The following KLHDC4 variants were observed in gnomAD, a reference collection of about 807,000 sequenced individuals.
KLHDC4 encodes the protein kelch domain-containing protein 4.
A neutral mutation model predicts 62.4 loss-of-function variants in KLHDC4; 90 were observed. The ratio of observed to expected loss-of-function variants is 1.44; its 90% CI spans 1.22 to 1.72. The LOEUF is 1.72. KLHDC4 is among the 40% of genes most tolerant of loss of function. The pLI is 0.00. For missense variants in KLHDC4, 1,025 were observed against 699.7 expected (o/e 1.47, Z -5.25); for synonymous variants, 386 against 284.4 (o/e 1.36, Z -3.59).
intron 1 of KLHDC4, among the ~76,000 whole-genome samples, chr16:87,763,015 G>C (rs763186678): frequency 6.6e-6 from 1 of 152,070 alleles, no homozygotes; most frequent in South Asian, 2.1e-4. Context: ...GCCCCACCTC[G>C]TGCTTCCTTC....
At chr16:87,703,174 G>C (rs540207840), downstream of KLHDC4, 2 of 152,346 alleles carry the variant, frequency 1.3e-5, no homozygotes, top group Admixed American at 6.5e-5. Flanking sequence ...CCTGGTTTTC[G>C]AGCAGGAAAC....
intron 3 of KLHDC4, chr16:87,756,163 G>C: frequency 2.6e-6 from 1 of 387,272 alleles, no homozygotes; most frequent in South Asian, 3.9e-5. Context: ...GATGACGGCA[G>C]AGCTGGGCCT....
intron 4 of KLHDC4, among the ~76,000 whole-genome samples, chr16:87,753,383 A>G (rs1345747942): frequency 6.6e-6 from 1 of 152,184 alleles, no homozygotes; most frequent in African/African-American, 2.4e-5. Context: ...TTCACTAGAG[A>G]CTGCAGAAAG....
chr16:87,698,223 G>T (rs2033982610), exon 1 of KLHDC4: 1 of 152,388 alleles, frequency 6.6e-6, no homozygotes, highest in Non-Finnish European at 1.5e-5. Context: ...TCTGGTGGGG[G>T]CATAGGAGAG....
At chr16:87,735,991 T>A (rs191520822) in intron 5 of KLHDC4, among the ~76,000 whole-genome samples, 7 of 152,352 alleles carry the variant, frequency 4.6e-5, no homozygotes, top group African/African-American at 9.6e-5. Context: ...GCACTCTGCA[T>A]GCAAACGCTT....
At position 87,718,878 on chromosome 16, in the gene KLHDC4, C is replaced by G. The variant is rs533087851; in HGVS notation, c.760-4305G>C. 1.1e-4 allele frequency among the ~76,000 whole-genome samples: 17 copies of G among 151,484 alleles called. No individual in the cohort carries two copies. The East Asian group carries it at 3.3e-3, about 30-fold the overall frequency. On this transcript the variant is annotated intron_variant, in intron 7 of 11. Transcript: ENST00000270583. ...GAGGAGTGCCTCTGTCCGGCCGCGA[C>G]CCCGTCTGGGAACTGAGGAGTGTCT...
exon 1 of KLHDC4, chr16:87,702,080 C>G (rs955914888): frequency 2.2e-6 from 1 of 456,322 alleles, no homozygotes; most frequent in Admixed American, 2.3e-5. Context: ...AACTTGTGAC[C>G]CCCGAGATCA....
intron 5 of KLHDC4, among the ~76,000 whole-genome samples, chr16:87,746,842 A>G (rs1453038623): frequency 1.3e-5 from 2 of 152,180 alleles, no homozygotes; most frequent in Non-Finnish European, 1.5e-5. Context: ...ATACCTTTAA[A>G]ACAGGTCTCC....
intron 5 of KLHDC4, among the ~76,000 whole-genome samples, chr16:87,734,708 T>C (rs1404295742): frequency 1.3e-5 from 2 of 152,166 alleles, no homozygotes; most frequent in South Asian, 2.1e-4. Context: ...CCTCTTCACA[T>C]AGGGATACCC....
At chr16:87,734,218 C>G (rs1019283162) in intron 5 of KLHDC4, among the ~76,000 whole-genome samples, 3 of 151,126 alleles carry the variant, frequency 2.0e-5, no homozygotes, top group Non-Finnish European at 4.4e-5. Context: ...CGTGGAGGCA[C>G]CTGTAATGCC....
intron 5 of KLHDC4, among the ~76,000 whole-genome samples, chr16:87,732,528 T>C (rs1430908792): frequency 6.6e-6 from 1 of 152,090 alleles, no homozygotes; most frequent in African/African-American, 2.4e-5. Context: ...AAAAAGCAAA[T>C]TTAAAACCTT....
chr16:87,762,119 A>T, intron 1 of KLHDC4, 79 bp from the exon 2 acceptor site: 3 of 1,582,214 alleles, frequency 1.9e-6, no homozygotes, highest in Admixed American at 3.7e-5. Context: ...GCTTTCCTCC[A>T]ATCAGTGTGA....
intron 6 of KLHDC4, among the ~76,000 whole-genome samples, chr16:87,728,392 G>T (rs575980051): frequency 1.3e-5 from 2 of 152,118 alleles, no homozygotes; most frequent in Admixed American, 6.6e-5. Context: ...TACTTTGCAC[G>T]TAAGATAAAT....
intron 4 of KLHDC4, among the ~76,000 whole-genome samples, chr16:87,752,746 G>C (rs148017693): frequency 6.6e-6 from 1 of 152,218 alleles, no homozygotes; most frequent in African/African-American, 2.4e-5. Flanking sequence ...TAAGAGCTTC[G>C]TATAGCCTAC....
rs758237463 is a variant in KLHDC4 at position 87,765,873 on chromosome 16, C to A, written c.18G>T (p.Lys6Asn). 7.7e-6 allele frequency: 12 copies of A among 1,550,938 alleles called. No individual in the cohort carries two copies. Among genetic ancestry groups the A allele is most frequent in the Non-Finnish European group, 9.6e-6 (11 of 1,146,444 alleles). Residue 6 changes from lysine (K) to asparagine (N), a missense_variant, in exon 1 of 12, where the codon AAG becomes AAT. By Grantham distance (94) the Lys-to-Asn change is moderately conservative (BLOSUM62 0). Coordinates refer to ENST00000270583, the MANE Select transcript of KLHDC4 (RefSeq NM_017566.4). ...CCGCGCCGCGGCCCTTCTTCTCCTT[C>A]TTGCCCTTCTTGCCCATCTTGCCGG... MGKKG[K>N]KEKKGRGAEK...
At position 87,709,372 on chromosome 16, in the gene KLHDC4, T is replaced by A. The variant is rs746162046; in HGVS notation, c.1340A>T (p.Tyr447Phe). 5 of 1,613,424 alleles carry A rather than the reference T, an allele frequency of 3.1e-6. No individual in the cohort carries two copies. The highest frequency in any genetic ancestry group is 4.2e-6 in the Non-Finnish European group (5 of 1,179,898). ...LAVKHGVLYVYGGMFEAGDRQ... is the reference protein window; with the variant it reads ...LAVKHGVLYVFGGMFEAGDRQ... ...GTCGCCGGCCTCAAACATGCCCCCA[T>A]AGACGTAGAGCACCCCATGCTTCAC... Residue 447 changes from tyrosine to phenylalanine, a missense_variant, in exon 10 of 12, where the codon TAT (tyrosine) becomes TTT (phenylalanine). Coordinates refer to ENST00000270583, the MANE Select transcript of KLHDC4 (RefSeq NM_017566.4).
intron 1 of KLHDC4, chr16:87,765,108 C>T (rs1419842632): frequency 2.2e-6 from 1 of 455,862 alleles, no homozygotes. Flanking sequence ...GCCTGGCGCA[C>T]GGCAGGCCAT....
rs1448888271 is a variant in KLHDC4 at position 87,709,439 on chromosome 16, G to A, written c.1273C>T (p.Pro425Ser). The change falls in exon 10 of 12, where the codon CCC becomes TCC. Residue 425 changes from proline to serine, a missense_variant. Coordinates refer to ENST00000270583, the MANE Select transcript of KLHDC4 (RefSeq NM_017566.4). ...GAGCGTGGACACGGCCCAGGTGCGG[G>A]GCTGCCGGCCTCCTCAAGGCTGTCT... ...DEDSLEEAGS[P>S]APGPCPRSNA... 2.5e-6 allele frequency: 4 copies of A among 1,612,542 alleles called. No homozygotes were observed. The highest frequency in any genetic ancestry group is 2.5e-6 in the Non-Finnish European group (3 of 1,179,920).
At chr16:87,760,718 G>A (rs1276699954) in intron 2 of KLHDC4, among the ~76,000 whole-genome samples, 2 of 151,110 alleles carry the variant, frequency 1.3e-5, no homozygotes, top group Non-Finnish European at 2.9e-5. Context: ...GGATTTATTT[G>A]CTCCAATAAC....
Sources: allele counts gnomAD v4.1 joint callset (sites outside exome capture counted in the v4.1 genomes callset), GRCh38; gene constraint gnomAD v4.1.1; transcripts MANE v1.5; gene names NCBI Gene and HGNC (gene_info 2026-07-23, HGNC 2026-07-21).